FRMD6: variants seen among roughly 807,000 people sequenced by gnomAD.
FRMD6 encodes the protein FERM domain containing 6.
A neutral mutation model predicts 73.2 loss-of-function variants in FRMD6; 37 were observed. The ratio of observed to expected loss-of-function variants is 0.51; its 90% CI spans 0.39 to 0.66. FRMD6 has a LOEUF of 0.66. FRMD6 is among the 30% of genes least tolerant of loss of function. The pLI, the probability that FRMD6 is intolerant of heterozygous loss-of-function variation, is 0.00. For missense variants in FRMD6, 714 were observed against 780.5 expected (o/e 0.91, Z 1.02); for synonymous variants, 273 against 282.2 (o/e 0.97, Z 0.33).
chr14:51,620,076 TA>T (rs1890870660), intron 2 of FRMD6, among the ~76,000 whole-genome samples: 1 of 152,126 alleles, frequency 6.6e-6, no homozygotes, highest in South Asian at 2.1e-4. Context: ...GTGACTAAAC[TA>T]AAGGTCTATG....
intron 2 of FRMD6, among the ~76,000 whole-genome samples, chr14:51,628,800 C>CAAAAAAA (rs764713119): frequency 9.6e-5 from 5 of 52,324 alleles, no homozygotes; most frequent in African/African-American, 2.8e-4. Flanking sequence ...GACTCTGTCT[C>CAAAAAAA]AAAAAAAAAA....
the FRMD6 span, among the ~76,000 whole-genome samples, chr14:51,423,662 G>A: frequency 6.6e-6 from 1 of 152,188 alleles, no homozygotes; most frequent in African/African-American, 2.4e-5. Flanking sequence ...CTCTCCGGAA[G>A]GTTCTGCAGC....
the FRMD6 span, among the ~76,000 whole-genome samples, chr14:51,440,250 T>C: frequency 6.6e-6 from 1 of 152,246 alleles, no homozygotes; most frequent in Non-Finnish European, 1.5e-5. Flanking sequence ...AACTGTTGAA[T>C]ATACTCGTTA....
rs544193471 is a variant in FRMD6 at position 51,577,527 on chromosome 14, G to A, written c.-147+7117G>A. On this transcript the variant is annotated intron_variant, in intron 2 of 14. Coordinates refer to the FRMD6 transcript ENST00000356218. ...TCACAGATTCTTCCATACGAAACTCGCGTACAAATAAACACACACATAAAA... is the reference window on the plus strand; with the variant it reads ...TCACAGATTCTTCCATACGAAACTCACGTACAAATAAACACACACATAAAA... 4.3e-4 allele frequency among the ~76,000 whole-genome samples: 65 copies of A among 152,172 alleles called. 1 individual carries two copies. The highest frequency in any genetic ancestry group is 1.2e-3 in the African/African-American group (51 of 41,526).
the FRMD6 span, among the ~76,000 whole-genome samples, chr14:51,464,190 A>C: frequency 2.0e-5 from 3 of 152,196 alleles, no homozygotes; most frequent in African/African-American, 7.2e-5. Flanking sequence ...TGAAGGAATA[A>C]AATATTCCAG....
chr14:51,561,763 C>T (rs1887495751), intron 1 of FRMD6, among the ~76,000 whole-genome samples: 1 of 152,134 alleles, frequency 6.6e-6, no homozygotes. Context: ...AGGTCAAGGG[C>T]ATCCAAATAA....
intron 1 of FRMD6, among the ~76,000 whole-genome samples, chr14:51,562,892 A>G (rs1412499063): frequency 1.3e-5 from 2 of 152,250 alleles, no homozygotes; most frequent in Non-Finnish European, 2.9e-5. Flanking sequence ...CTGGTCAAGA[A>G]TTCAGACGGG....
At chr14:51,461,670 G>A in the FRMD6 span, among the ~76,000 whole-genome samples, 1 of 152,226 alleles carries the variant, frequency 6.6e-6, no homozygotes, top group African/African-American at 2.4e-5. Flanking sequence ...CCCAACAGGT[G>A]AGAACCATGT....
the FRMD6 span, among the ~76,000 whole-genome samples, chr14:51,421,235 A>C: frequency 3.3e-5 from 5 of 152,364 alleles, no homozygotes; most frequent in South Asian, 1.0e-3. Flanking sequence ...AAAACTGACC[A>C]GCTCAAAAGC....
chr14:51,604,478 A>G (rs564139085), intron 2 of FRMD6, among the ~76,000 whole-genome samples: 1 of 152,200 alleles, frequency 6.6e-6, no homozygotes, highest in Non-Finnish European at 1.5e-5. Flanking sequence ...AAGAAGGAAG[A>G]TTCTTACTAA....
At chr14:51,407,014 C>T in the FRMD6 span, among the ~76,000 whole-genome samples, 13 of 152,002 alleles carry the variant, frequency 8.6e-5, no homozygotes, top group Non-Finnish European at 1.9e-4. Context: ...TTTATTTGAG[C>T]GTTCATTGAA....
intron 1 of FRMD6, among the ~76,000 whole-genome samples, chr14:51,673,387 C>G (rs1458269578): frequency 6.6e-6 from 1 of 152,076 alleles, no homozygotes; most frequent in Non-Finnish European, 1.5e-5. Context: ...GTGCTGCCCC[C>G]CAAATTCTAG....
At chr14:51,482,335 A>C in the FRMD6 span, among the ~76,000 whole-genome samples, 2 of 152,248 alleles carry the variant, frequency 1.3e-5, no homozygotes, top group Non-Finnish European at 2.9e-5. Context: ...TGGAGACTGC[A>C]GAACCCCACA....
At chr14:51,558,827 C>T (rs79103656) in intron 1 of FRMD6, among the ~76,000 whole-genome samples, 1 of 152,104 alleles carries the variant, frequency 6.6e-6, no homozygotes, top group Non-Finnish European at 1.5e-5. Context: ...CAGGATGCCA[C>T]CTGTCATTTC....
At chr14:51,644,930 T>A (rs1198778269) in intron 2 of FRMD6, among the ~76,000 whole-genome samples, 1 of 152,208 alleles carries the variant, frequency 6.6e-6, no homozygotes, top group Non-Finnish European at 1.5e-5. Flanking sequence ...AGTACTTTCT[T>A]TTCTCCATAC....
chr14:51,645,588 C>T (rs1420738513), intron 2 of FRMD6, among the ~76,000 whole-genome samples: 4 of 152,074 alleles, frequency 2.6e-5, no homozygotes, highest in Non-Finnish European at 5.9e-5. Context: ...AGCTGCAAGC[C>T]ACTCCGCCCA....
At chr14:51,620,322 G>A (rs1232290284) in intron 2 of FRMD6, among the ~76,000 whole-genome samples, 4 of 152,170 alleles carry the variant, frequency 2.6e-5, no homozygotes, top group South Asian at 2.1e-4. Flanking sequence ...AAATACAGCT[G>A]CCAGCAGTAA....
At position 51,721,992 on chromosome 14, in the gene FRMD6, G is replaced by A; in HGVS notation, c.1404G>A (p.Met468Ile). The change falls in exon 12 of 14, where the codon ATG (methionine) becomes ATA (isoleucine). Residue 468 changes from methionine to isoleucine, a missense_variant. Met to Ile is a conservative substitution (Grantham distance 10). Transcript: ENST00000344768. Reference protein sequence around the residue: ...LVDDPRDLEQMNEESLEVSPD... With the variant: ...LVDDPRDLEQINEESLEVSPD... The stretch of plus-strand genomic sequence containing the variant: ...ATGACCCCCGGGATCTGGAGCAGAT[G>A]AATGAAGAGTCTCTGGAAGTCAGCC... 1 of 1,614,140 alleles carries A rather than the reference G, an allele frequency of 6.2e-7. No individual in the cohort carries two copies. The highest frequency in any genetic ancestry group is 8.5e-7 in the Non-Finnish European group (1 of 1,180,006).
At chr14:51,401,767 C>T in the FRMD6 span, among the ~76,000 whole-genome samples, 2 of 152,220 alleles carry the variant, frequency 1.3e-5, no homozygotes, top group East Asian at 3.8e-4. Context: ...AAAGAAACTG[C>T]TCTTCCCTGA....
Sources: allele counts gnomAD v4.1 joint callset (sites outside exome capture counted in the v4.1 genomes callset), GRCh38; gene constraint gnomAD v4.1.1; transcripts MANE v1.5; gene names NCBI Gene and HGNC (gene_info 2026-07-23, HGNC 2026-07-21).